ADAM12: variants seen among roughly 807,000 people sequenced by gnomAD.
ADAM12 encodes the protein disintegrin and metalloproteinase domain-containing protein 12.
ADAM12 carries 70 observed loss-of-function variants against 106.4 expected under a neutral mutation model. The observed-to-expected ratio is 0.66, with a 90% confidence interval of 0.54 to 0.80. The LOEUF is 0.80. Ranked by LOEUF, ADAM12 falls within the 30% of genes least tolerant of loss-of-function variation. The probability of loss-of-function intolerance (pLI) is 0.00; values close to 1 mark genes in which losing one functional copy is unlikely to be tolerated. For synonymous variants in ADAM12, 420 were observed against 433.5 expected, an observed-to-expected ratio of 0.97 and a Z score of 0.39; for missense variants, 1,010 against 1,171.9, an observed-to-expected ratio of 0.86 and a Z score of 2.02.
rs374193051 is a variant in ADAM12, at chr10:126,347,331, A to T, written c.89-16822T>A. ...TCTGGGTTGAAAATTCTTCTCTTTAAGAATGTTGAATATCGGCCCCCACTC... is the reference window on the plus strand; with the variant it reads ...TCTGGGTTGAAAATTCTTCTCTTTATGAATGTTGAATATCGGCCCCCACTC... On this transcript the variant is annotated intron_variant, in intron 1 of 22. Transcript: ENST00000448723. Among the ~76,000 whole-genome samples, 79 of 152,282 alleles carry T rather than the reference A, an allele frequency of 5.2e-4. No individual in the cohort carries two copies. In the East Asian group the frequency reaches 0.014, roughly 27 times the overall value.
At chr10:126,322,771 T>C (rs1854149017) in intron 2 of ADAM12, among the ~76,000 whole-genome samples, 1 of 152,222 alleles carries the variant, frequency 6.6e-6, no homozygotes, top group African/African-American at 2.4e-5. Context: ...TCCGAATCCA[T>C]TTCTGCAGGT....
At chr10:126,223,617 T>A (rs1565149312) in intron 3 of ADAM12, among the ~76,000 whole-genome samples, 1 of 152,156 alleles carries the variant, frequency 6.6e-6, no homozygotes, top group African/African-American at 2.4e-5. Flanking sequence ...AGCACATGCC[T>A]CTATAGTACG....
chr10:126,088,607 G>A lies in ADAM12; in HGVS notation c.1145+5378C>T, dbSNP rs888688071. Among the ~76,000 whole-genome samples the A allele has an allele frequency of 2.6e-5, 4 of 151,978 alleles. No homozygotes were observed. In the East Asian group the frequency reaches 5.8e-4, roughly 22 times the overall value. ...TGCCTGTAATCCCAGCTACTCGGGAGGCTGAGGTGGGAGGATTGCTTGAAC... is the reference window on the plus strand; with the variant it reads ...TGCCTGTAATCCCAGCTACTCGGGAAGCTGAGGTGGGAGGATTGCTTGAAC... On this transcript the variant is annotated intron_variant, in intron 11 of 22. Transcript: ENST00000448723.
rs1954823334 is a variant in ADAM12 at position 126,064,527 on chromosome 10, TC to T, written c.1609+278del. On this transcript the variant is annotated intron_variant, in intron 14 of 22. Transcript: ENST00000448723. The surrounding 1 kb of genome is among the most constrained non-coding windows in gnomAD (Gnocchi z 4.4). ...CACAGGTGCTCCTGCATCTTCTGTATCCCCCGGGGCGCACAGTAGGTGCTCC... is the reference window on the plus strand; with the variant it reads ...CACAGGTGCTCCTGCATCTTCTGTATCCCCGGGGCGCACAGTAGGTGCTCC... 6.6e-6 allele frequency among the ~76,000 whole-genome samples: 1 copy of T among 152,064 alleles called. No individual in the cohort carries two copies. The highest frequency in any genetic ancestry group is 2.1e-4 in the South Asian group (1 of 4,818).
chr10:126,293,568 G>A (rs962383117), intron 2 of ADAM12, among the ~76,000 whole-genome samples: 1 of 152,102 alleles, frequency 6.6e-6, no homozygotes, highest in Non-Finnish European at 1.5e-5. Flanking sequence ...ACCCAGACTG[G>A]AGTGCAGTGG....
intron 4 of ADAM12, among the ~76,000 whole-genome samples, chr10:126,146,086 A>T (rs11244842): frequency 0.32 from 49,271 of 152,136 alleles, 8,329 homozygotes; most frequent in Non-Finnish European, 0.38. Context: ...GGAGAAAAAG[A>T]CAGGTGGCTA....
rs746916310 is a variant in ADAM12 at position 126,206,347 on chromosome 10, G to T, written c.261-51042C>A. Among the ~76,000 whole-genome samples the T allele has an allele frequency of 2.6e-5, 4 of 152,302 alleles. No homozygotes were observed. In the East Asian group the frequency reaches 7.7e-4, roughly 29 times the overall value. ...AATCCCAAAACGATAGACGATTAAA[G>T]TATACTCAGGTGGGACACTATCCTG... On this transcript the variant is annotated intron_variant, in intron 3 of 22. Transcript: ENST00000448723.
chr10:126,296,484 T>A (rs578091048), intron 2 of ADAM12, among the ~76,000 whole-genome samples: 1 of 152,210 alleles, frequency 6.6e-6, no homozygotes, highest in Non-Finnish European at 1.5e-5. Context: ...TTCAAAGTCA[T>A]GCAAATTCAT....
chr10:126,038,382 G>C (rs372849392), intron 19 of ADAM12, 33 bp from the exon 20 acceptor site: 1 of 1,488,586 alleles, frequency 6.7e-7, no homozygotes, highest in African/African-American at 1.4e-5. Flanking sequence ...CTGACCAAGC[G>C]TGTTTCCCCT....
intron 1 of ADAM12, among the ~76,000 whole-genome samples, chr10:126,335,445 G>T (rs140241301): frequency 6.6e-6 from 1 of 152,158 alleles, no homozygotes; most frequent in Non-Finnish European, 1.5e-5. Context: ...CAGGGACAAG[G>T]CTTCGGAAAC....
At chr10:126,128,762 C>T (rs1282221195) in intron 5 of ADAM12, among the ~76,000 whole-genome samples, 4 of 116,578 alleles carry the variant, frequency 3.4e-5, no homozygotes, top group Non-Finnish European at 5.3e-5. Flanking sequence ...TGCAAGTGGG[C>T]GCCTGCCCAT....
At chr10:126,105,076 G>T (rs919789622) in intron 8 of ADAM12, among the ~76,000 whole-genome samples, 1 of 152,156 alleles carries the variant, frequency 6.6e-6, no homozygotes, top group Admixed American at 6.5e-5. Context: ...TCAGGGCCAG[G>T]GGTAGCTGTG....
intron 2 of ADAM12, among the ~76,000 whole-genome samples, chr10:126,320,783 C>T (rs1854067415): frequency 6.6e-6 from 1 of 152,136 alleles, no homozygotes; most frequent in African/African-American, 2.4e-5. Context: ...AGAATGTTCT[C>T]TCTCTTATTA....
At chr10:126,165,306 T>G (rs1655802549) in intron 3 of ADAM12, among the ~76,000 whole-genome samples, 1 of 152,208 alleles carries the variant, frequency 6.6e-6, no homozygotes, top group Non-Finnish European at 1.5e-5. Flanking sequence ...TAGCTGGGAT[T>G]ACAGGCACAC....
intron 3 of ADAM12, among the ~76,000 whole-genome samples, chr10:126,168,812 G>A (rs1260693757): frequency 1.6e-4 from 24 of 152,122 alleles, no homozygotes; most frequent in Admixed American, 1.6e-3. Context: ...TAGCACTTTG[G>A]GAGGCTGAGG....
chr10:126,135,181 G>A (rs1201130228), intron 5 of ADAM12, among the ~76,000 whole-genome samples: 1 of 152,232 alleles, frequency 6.6e-6, no homozygotes, highest in Admixed American at 6.5e-5. Context: ...TTCCTAATGA[G>A]AGGAGGCCCT....
At chr10:126,362,001 T>C (rs1293770907) in intron 1 of ADAM12, among the ~76,000 whole-genome samples, 2 of 152,116 alleles carry the variant, frequency 1.3e-5, no homozygotes, top group African/African-American at 2.4e-5. Flanking sequence ...AGAGACAATG[T>C]AAGCATTGGG....
At chr10:126,078,968 A>T (rs1317513951) in intron 11 of ADAM12, among the ~76,000 whole-genome samples, 1 of 152,152 alleles carries the variant, frequency 6.6e-6, no homozygotes, top group Non-Finnish European at 1.5e-5. Context: ...TAAACACAGG[A>T]GACAAATCCT....
chr10:126,386,696 T>C (rs928048603), intron 1 of ADAM12, among the ~76,000 whole-genome samples: 1 of 152,218 alleles, frequency 6.6e-6, no homozygotes, highest in African/African-American at 2.4e-5. Context: ...TTGTCCCTGC[T>C]CAGTAGACTT....
Sources: gnomAD v4.1 joint callset for allele counts (sites outside exome capture counted in the v4.1 genomes callset) on GRCh38, gnomAD v4.1.1 for gene constraint, Gnocchi (gnomAD v3.1) non-coding constraint, MANE v1.5 for transcripts, NCBI Gene and HGNC (gene_info 2026-07-23, HGNC 2026-07-21) for gene names.